The following CTNND2 variants were observed in gnomAD, a reference collection of about 807,000 sequenced individuals.
CTNND2 encodes catenin delta 2.
CTNND2 carries 22 observed loss-of-function variants against 144.4 expected under a neutral mutation model. That is an observed-to-expected ratio of 0.15 (90% confidence interval 0.11 to 0.22). The LOEUF (loss-of-function observed/expected upper bound fraction) is 0.22. Among genes scored for constraint, CTNND2 ranks in the 10% least tolerant of loss-of-function variants. The probability of loss-of-function intolerance (pLI) is 1.00; values close to 1 mark genes in which losing one functional copy is unlikely to be tolerated. For missense variants in CTNND2, 1,353 were observed against 1,618.8 expected (o/e 0.84, Z 2.82); for synonymous variants, 751 against 695.6 (o/e 1.08, Z -1.25).
rs1247786644 is a variant in CTNND2, at chr5:11,346,542, G to T, written c.1458C>A (p.Phe486Leu). The T allele has an allele frequency of 6.2e-7, 1 of 1,604,388 alleles. No homozygotes were observed. The highest frequency in any genetic ancestry group is 2.3e-5 in the East Asian group (1 of 43,964). Residue 486 changes from phenylalanine (F) to leucine (L), a missense_variant, in exon 9 of 22, where the codon TTC becomes TTA. This residue lies in a region of CTNND2 where 708 missense variants were observed against 706.4 expected (regional missense o/e 1.00). Transcript: ENST00000304623. ...HGPQNAAAAT[F>L]QRASYAAGPA... ...GGCCGGCGGCATAGCTGGCCCTCTGGAAGGTGGCCGCGGCGGCATTCTGTG... is the reference window on the plus strand; with the variant it reads ...GGCCGGCGGCATAGCTGGCCCTCTGTAAGGTGGCCGCGGCGGCATTCTGTG...
chr5:11,805,313 C>T (rs4274978), intron 1 of CTNND2, among the ~76,000 whole-genome samples: 1,770 of 152,194 alleles, frequency 0.012, 24 homozygotes, highest in South Asian at 0.064. Flanking sequence ...TTAGTATACA[C>T]TCATATATTT....
chr5:10,988,414 G>A lies in CTNND2; in HGVS notation c.3212-172C>T, dbSNP rs898417820. Among the ~76,000 whole-genome samples the A allele has an allele frequency of 1.3e-5, 2 of 152,056 alleles. No individual in the cohort carries two copies. Among genetic ancestry groups the A allele is most frequent in the Admixed American group, 1.3e-4 (2 of 15,270 alleles). ...TTTGGCAGTTTTGGCTCTTGTCCCT[G>A]CCCCATTCCCTCACCTGTGACAACT... On this transcript the variant is annotated intron_variant, in intron 19 of 21. Transcript: ENST00000304623. The surrounding 1 kb of genome is among the most constrained non-coding windows in gnomAD (Gnocchi z 5.9).
chr5:11,789,141 A>G lies in CTNND2; in HGVS notation c.38-56869T>C, dbSNP rs1398255124. 2.0e-5 allele frequency among the ~76,000 whole-genome samples: 3 copies of G among 152,190 alleles called. No homozygotes were observed. In the South Asian group the frequency reaches 6.2e-4, roughly 31 times the overall value. ...TGGTGGGACTGTAAACTAGTCGACC[A>G]TCATGGAAGACAGTGTGGTGATTTC... On this transcript the variant is annotated intron_variant, in intron 1 of 21. Coordinates refer to ENST00000304623, the MANE Select transcript of CTNND2 (RefSeq NM_001332.4).
chr5:11,902,725 A>T (rs527985568), intron 1 of CTNND2, among the ~76,000 whole-genome samples: 7 of 152,304 alleles, frequency 4.6e-5, no homozygotes, highest in South Asian at 4.1e-4. Context: ...AATACATCTT[A>T]ATAACACCTG....
chr5:11,305,614 C>G (rs775711016), intron 9 of CTNND2, among the ~76,000 whole-genome samples: 12 of 152,270 alleles, frequency 7.9e-5, no homozygotes, highest in Admixed American at 6.5e-4. Context: ...CTGCTATGAG[C>G]CAGGTGCAGA....
intron 3 of CTNND2, among the ~76,000 whole-genome samples, chr5:11,554,190 CAT>C (rs1378949283): frequency 2.0e-5 from 3 of 152,042 alleles, no homozygotes; most frequent in East Asian, 1.9e-4. Flanking sequence ...CTAATGATAA[CAT>C]AAACTCTTAA....
At chr5:11,545,136 G>GA (rs1775114066) in intron 3 of CTNND2, among the ~76,000 whole-genome samples, 1 of 122,146 alleles carries the variant, frequency 8.2e-6, no homozygotes, top group African/African-American at 3.2e-5. Context: ...AAAAAAAAAA[G>GA]GAAAAAAAAA....
intron 3 of CTNND2, among the ~76,000 whole-genome samples, chr5:11,524,801 C>T (rs143784547): frequency 1.4e-3 from 217 of 152,166 alleles, no homozygotes; most frequent in African/African-American, 4.6e-3. Context: ...CAACTGTATA[C>T]GCATCATCAC....
intron 7 of CTNND2, among the ~76,000 whole-genome samples, chr5:11,378,831 T>C (rs1187966316): frequency 6.6e-6 from 1 of 152,158 alleles, no homozygotes; most frequent in Non-Finnish European, 1.5e-5. Context: ...CCTTAATCAG[T>C]CAGGGAATGG....
At chr5:11,671,663 A>C (rs887475092) in intron 2 of CTNND2, among the ~76,000 whole-genome samples, 2 of 151,918 alleles carry the variant, frequency 1.3e-5, no homozygotes, top group Admixed American at 1.3e-4. Context: ...TGGATATTCT[A>C]GTTAGCAATT....
intron 9 of CTNND2, among the ~76,000 whole-genome samples, chr5:11,248,880 T>G (rs1285009422): frequency 6.6e-6 from 1 of 152,266 alleles, no homozygotes; most frequent in African/African-American, 2.4e-5. Flanking sequence ...TATCCATTTT[T>G]GGTTTTCATC....
chr5:11,304,933 A>T (rs778255398), intron 9 of CTNND2, among the ~76,000 whole-genome samples: 1 of 146,126 alleles, frequency 6.8e-6, no homozygotes, highest in African/African-American at 2.5e-5. Context: ...TCCTTGCAGC[A>T]TGGAGGGTTT....
At chr5:11,011,332 G>A (rs1741057037) in intron 18 of CTNND2, among the ~76,000 whole-genome samples, 1 of 152,112 alleles carries the variant, frequency 6.6e-6, no homozygotes, top group Non-Finnish European at 1.5e-5. Context: ...TCCCACCTCT[G>A]CCTCCCGAGT....
rs545979736 is a variant in CTNND2, at chr5:11,430,243, C to T, written c.288-18174G>A. Among the ~76,000 whole-genome samples the T allele has an allele frequency of 5.7e-4, 72 of 126,054 alleles. No individual in the cohort carries two copies. In the Middle Eastern group the frequency reaches 0.014, roughly 25 times the overall value. The allele number at this position is 126,054 out of a possible 152,430, so 82.7% of individuals were successfully genotyped here. The stretch of plus-strand genomic sequence containing the variant: ...CAGCCTGGGCAACAGGGTTAGACTC[C>T]GTCTCAAAAAAAAAAAAAAAAAAAA... On this transcript the variant is annotated intron_variant, in intron 3 of 21. Transcript: ENST00000304623.
intron 9 of CTNND2, among the ~76,000 whole-genome samples, chr5:11,262,761 CAAAAAAAAAA>C (rs11289676): frequency 1.8e-4 from 8 of 45,692 alleles, no homozygotes; most frequent in South Asian, 1.5e-3. Context: ...GACTCTGTCT[CAAAAAAAAAA>C]AAAAAAAAAA....
chr5:10,990,992 A>ATGCGCTT (rs1738610898), intron 19 of CTNND2, among the ~76,000 whole-genome samples: 2 of 152,158 alleles, frequency 1.3e-5, no homozygotes, highest in Admixed American at 6.5e-5. Flanking sequence ...TCCACACTCC[A>ATGCGCTT]TGCGCTTTAT....
In CTNND2 at chr5:10,994,090, AG is replaced by A. The variant is rs1739010033; in HGVS notation, c.3085-1414del. ...ATGGATACCATTATCTGCATTCTAC[AG>A]GAAGAATTTGAGCCTTCGAAAGTAA... On this transcript the variant is annotated intron_variant, in intron 18 of 21. Coordinates refer to ENST00000304623, the MANE Select transcript of CTNND2 (RefSeq NM_001332.4). Among the ~76,000 whole-genome samples the A allele has an allele frequency of 2.0e-5, 3 of 150,906 alleles. 1 individual carries two copies. The highest frequency in any genetic ancestry group is 6.8e-3 in the Middle Eastern group (2 of 292).
At chr5:11,671,439 A>G (rs1381042000) in intron 2 of CTNND2, among the ~76,000 whole-genome samples, 1 of 151,980 alleles carries the variant, frequency 6.6e-6, no homozygotes, top group Non-Finnish European at 1.5e-5. Context: ...TGGTCTTTTC[A>G]CATAGTCTCC....
In CTNND2 at chr5:10,972,394, T is replaced by C. The variant is rs1218276019; in HGVS notation, c.*1059A>G. 2 of 152,256 alleles carry C rather than the reference T, an allele frequency of 1.3e-5. No individual in the cohort carries two copies. The highest frequency in any genetic ancestry group is 4.8e-5 in the African/African-American group (2 of 41,462). The allele number at this position is 152,256 out of a possible 1,614,324, so 9.4% of individuals were successfully genotyped here. ...GATGAACAGCAAATGAAATAGCTTC[T>C]GTCAAAATAAAATCTCACACAGGTA... On this transcript the variant is annotated 3_prime_UTR_variant, in exon 22 of 22. Coordinates refer to ENST00000304623, the MANE Select transcript of CTNND2 (RefSeq NM_001332.4).
Sources: gnomAD v4.1 joint callset for allele counts (sites outside exome capture counted in the v4.1 genomes callset) on GRCh38, gnomAD v4.1.1 for gene constraint, gnomAD v4.1.1 regional missense constraint, Gnocchi (gnomAD v3.1) non-coding constraint, MANE v1.5 for transcripts, NCBI Gene and HGNC (gene_info 2026-07-23, HGNC 2026-07-21) for gene names.